The following EML5 variants were observed in gnomAD, a reference collection of about 807,000 sequenced individuals.
The protein encoded by EML5 is EMAP like 5, also known as echinoderm microtubule-associated protein-like 5.
In EML5, 120 loss-of-function variants were observed where a neutral mutation model predicts 250.0. The observed-to-expected ratio is 0.48, with a 90% CI of 0.41 to 0.56. EML5 has a LOEUF of 0.56. EML5 is among the 20% of genes least tolerant of loss of function. EML5 has a pLI of 0.00. For missense variants in EML5, 2,006 were observed against 2,437.6 expected (o/e 0.82, Z 3.73); for synonymous variants, 771 against 806.5 (o/e 0.96, Z 0.75).
chr14:88,725,392 GAA>G, intron 8 of EML5, among the ~76,000 whole-genome samples: 1 of 152,244 alleles, frequency 6.6e-6, no homozygotes, highest in African/African-American at 2.4e-5. Context: ...TAGAGGCTCA[GAA>G]GTACAAGAAA....
intron 1 of EML5, among the ~76,000 whole-genome samples, chr14:88,764,250 G>A (rs1358756871): frequency 6.6e-6 from 1 of 152,112 alleles, no homozygotes; most frequent in Admixed American, 6.5e-5. Flanking sequence ...TTAGAGTGAT[G>A]CCAGCCTCAT....
At chr14:88,658,501 G>T in intron 25 of EML5, 113 bp from the exon 26 acceptor site, 1 of 824,412 alleles carries the variant, frequency 1.2e-6, no homozygotes, top group Non-Finnish European at 1.8e-6. Flanking sequence ...CAAGTGCAAT[G>T]TGTTAAAAAA....
chr14:88,616,069 TGTAGGAG>T, intron 43 of EML5, 66 bp downstream of exon 43: 1 of 1,503,400 alleles, frequency 6.7e-7, no homozygotes, highest in Non-Finnish European at 9.3e-7. Flanking sequence ...AAACCAAAGC[TGTAGGAG>T]TTGTTGTATT....
At chr14:88,660,845 A>G (rs2092071319) in intron 25 of EML5, among the ~76,000 whole-genome samples, 1 of 152,198 alleles carries the variant, frequency 6.6e-6, no homozygotes, top group Non-Finnish European at 1.5e-5. Context: ...CTGATGATTT[A>G]AAATGCACAT....
chr14:88,677,823 T>G (rs886907678), intron 21 of EML5, among the ~76,000 whole-genome samples: 14 of 152,146 alleles, frequency 9.2e-5, no homozygotes, highest in Non-Finnish European at 1.9e-4. Context: ...TGTGGAGAAA[T>G]AGGAACACTT....
chr14:88,631,197 A>C (rs191596178), intron 33 of EML5, among the ~76,000 whole-genome samples: 142 of 152,288 alleles, frequency 9.3e-4, no homozygotes, highest in African/African-American at 3.4e-3. Flanking sequence ...AAACATATCT[A>C]ATGTATTCAA....
intron 40 of EML5, 88 bp from the exon 41 acceptor site, chr14:88,618,419 A>G: frequency 8.3e-7 from 1 of 1,210,876 alleles, no homozygotes; most frequent in Non-Finnish European, 1.2e-6. Flanking sequence ...GCATATTGCT[A>G]CTTGATTTAC....
At chr14:88,741,500 G>A (rs940801237) in intron 4 of EML5, among the ~76,000 whole-genome samples, 2 of 152,148 alleles carry the variant, frequency 1.3e-5, no homozygotes, top group South Asian at 2.1e-4. Context: ...CTATTAGGTG[G>A]AATTAGGTAA....
At position 88,767,877 on chromosome 14, in the gene EML5, T is replaced by G. The variant is rs927235980; in HGVS notation, c.198-13206A>C. On this transcript the variant is annotated intron_variant, in intron 1 of 43. Coordinates refer to ENST00000554922, the MANE Select transcript of EML5 (RefSeq NM_183387.3). Reference sequence around the variant, plus strand: ...AATATCATTACCTAAACTAAAAACCTTATTCAAAAATTCACCATTTTTTCC... The same window carrying G: ...AATATCATTACCTAAACTAAAAACCGTATTCAAAAATTCACCATTTTTTCC... Among the ~76,000 whole-genome samples, 8 of 76,208 alleles carry G rather than the reference T, an allele frequency of 1.0e-4. No individual in the cohort carries two copies. In the African/African-American group the frequency reaches 1.1e-3, roughly 10 times the overall value. The allele number at this position is 76,208 out of a possible 152,430, so 50.0% of individuals were successfully genotyped here.
rs139755648 is a variant in EML5, at chr14:88,674,412, C to G, written c.3124+7478G>C. Among the ~76,000 whole-genome samples, 255 of 152,280 alleles carry G rather than the reference C, an allele frequency of 1.7e-3. 1 individual carries two copies. The highest frequency in any genetic ancestry group is 5.9e-3 in the African/African-American group (245 of 41,538). ...TAGCAGAAGGCAAAGGAGAAGCAGG[C>G]ACCTTCTTCACAGGGCAGCAGGATG... is the stretch of plus-strand genomic sequence containing the variant. On this transcript the variant is annotated intron_variant, in intron 21 of 43. Coordinates refer to ENST00000554922, the MANE Select transcript of EML5 (RefSeq NM_183387.3).
In EML5 at chr14:88,746,261, T is replaced by C. The variant is rs1449807559; in HGVS notation, c.380A>G (p.Asp127Gly). Reference protein sequence around the residue: ...DGQRLVSVGLDSKNAVCVWDW... With the variant: ...DGQRLVSVGLGSKNAVCVWDW... ...CCAAACACAAACTGCATTCTTTGAA[T>C]CAAGTCCAACTGAAACCAAGCGCTG... is the stretch of plus-strand genomic sequence containing the variant. Residue 127 changes from aspartate to glycine, a missense_variant, in exon 3 of 44, where the codon GAT (aspartate) becomes GGT (glycine). By Grantham distance (94) the Asp-to-Gly change is moderately conservative. Coordinates refer to ENST00000554922, the MANE Select transcript of EML5 (RefSeq NM_183387.3). 1 of 1,613,370 alleles carries C rather than the reference T, an allele frequency of 6.2e-7. No homozygotes were observed. The highest frequency in any genetic ancestry group is 8.5e-7 in the Non-Finnish European group (1 of 1,179,550).
In EML5 at chr14:88,685,110, C is replaced by A; in HGVS notation, c.2887G>T (p.Ala963Ser). 3.1e-6 allele frequency: 5 copies of A among 1,606,700 alleles called. No homozygotes were observed. The highest frequency in any genetic ancestry group is 4.3e-6 in the Non-Finnish European group (5 of 1,176,424). The change falls in exon 20 of 44, where the codon GCC becomes TCC. Residue 963 changes from alanine (A) to serine (S), a missense_variant. Physicochemically the swap from Ala to Ser is moderately conservative, Grantham distance 99 (BLOSUM62 1). Transcript: ENST00000554922. ...LLLEDNPSIR[A>S]ISLGHGHILV... is the part of the protein sequence containing the mutation. ...ATATGACCATGTCCTAATGATATGG[C>A]ACGTATAGATGGATTATCTTCCAAG...
intron 13 of EML5, 51 bp from the exon 14 acceptor site, chr14:88,702,683 C>A: frequency 7.6e-7 from 1 of 1,321,268 alleles, no homozygotes; most frequent in South Asian, 1.5e-5. Context: ...TTTATCTGAT[C>A]AATACAGAAT....
chr14:88,712,027 A>T (rs1161231076), intron 10 of EML5, among the ~76,000 whole-genome samples: 1 of 152,216 alleles, frequency 6.6e-6, no homozygotes, highest in African/African-American at 2.4e-5. Context: ...CGTTTCTTTG[A>T]AAAGAAAGAG....
intron 32 of EML5, 146 bp downstream of exon 32, chr14:88,638,663 A>G (rs2090875973): frequency 6.0e-6 from 4 of 670,434 alleles, no homozygotes; most frequent in Non-Finnish European, 7.4e-6. Context: ...AGCAAATAAT[A>G]TGGTATAATT....
chr14:88,684,487 C>G (rs1340906359), intron 20 of EML5, among the ~76,000 whole-genome samples: 1 of 141,682 alleles, frequency 7.1e-6, no homozygotes, highest in Non-Finnish European at 1.5e-5. Flanking sequence ...TTATTTACAT[C>G]TTTTCACTGA....
At chr14:88,669,598 C>A (rs2092402226) in intron 21 of EML5, among the ~76,000 whole-genome samples, 1 of 152,138 alleles carries the variant, frequency 6.6e-6, no homozygotes, top group Non-Finnish European at 1.5e-5. Flanking sequence ...CTCCCAGGGA[C>A]TGAGCTCCTA....
Position 88,704,889 on chromosome 14 carries a change from T to G in EML5, c.2022A>C (p.Gly674=). Residue 674 remains glycine, a synonymous_variant, in exon 13 of 44, where the codon GGA becomes GGC. Transcript: ENST00000554922. ...GAACAAAGTGTAATCGAATACTATT[T>G]CCTGGAGCCCGCTCTCTTCTTTTAG... is the stretch of plus-strand genomic sequence containing the variant. ...ATSKRRERAP[G]NSIRLHFVHG... 6.2e-7 allele frequency: 1 copy of G among 1,613,148 alleles called. No individual in the cohort carries two copies.
intron 1 of EML5, among the ~76,000 whole-genome samples, chr14:88,786,985 A>G (rs1432380583): frequency 1.3e-5 from 2 of 152,238 alleles, no homozygotes; most frequent in Admixed American, 1.3e-4. Flanking sequence ...GGTAACCTCA[A>G]CAAGAACTGC....
Sources: allele counts gnomAD v4.1 joint callset (sites outside exome capture counted in the v4.1 genomes callset), GRCh38; gene constraint gnomAD v4.1.1; transcripts MANE v1.5; gene names NCBI Gene and HGNC (gene_info 2026-07-23, HGNC 2026-07-21).